Variants in ADAMTS2 observed in about 807,000 individuals in gnomAD.
The protein encoded by ADAMTS2 is A disintegrin and metalloproteinase with thrombospondin motifs 2.
In ADAMTS2, 50 loss-of-function variants were observed where a neutral mutation model predicts 123.0. The ratio of observed to expected loss-of-function variants is 0.41; its 90% CI spans 0.32 to 0.51. The LOEUF (loss-of-function observed/expected upper bound fraction) is 0.51, where lower values mean the gene tolerates loss of function less well. Ranked by LOEUF, ADAMTS2 falls within the 20% of genes least tolerant of loss-of-function variation. The probability of loss-of-function intolerance (pLI) is 0.35; values close to 1 mark genes in which losing one functional copy is unlikely to be tolerated. For synonymous variants in ADAMTS2, 678 were observed against 695.4 expected (o/e 0.98, Z 0.39); for missense variants, 1,494 against 1,705.2 (o/e 0.88, Z 2.18).
chr5:179,320,526 G>C (rs1425432459), intron 2 of ADAMTS2, among the ~76,000 whole-genome samples: 1 of 146,796 alleles, frequency 6.8e-6, no homozygotes, highest in Non-Finnish European at 1.5e-5. Flanking sequence ...CACCATTTTA[G>C]CCAGGATGGT....
rs149364402 is a variant in ADAMTS2 at position 179,279,897 on chromosome 5, T to A, written c.535-6833A>T. 3.8e-3 allele frequency among the ~76,000 whole-genome samples: 573 copies of A among 152,326 alleles called. 17 individuals are homozygous for A. Among genetic ancestry groups the A allele is most frequent in the Admixed American group, 0.031 (476 of 15,310 alleles). ...GACGCCAGCGGGCAGGAGCTGTCCA[T>A]GGGGTTAGGAAACAGCTGTCCTCAC... On this transcript the variant is annotated intron_variant, in intron 2 of 21. Transcript: ENST00000251582.
chr5:179,151,130 C>T (rs1027614015), intron 10 of ADAMTS2: 3 of 384,502 alleles, frequency 7.8e-6, no homozygotes, highest in Non-Finnish European at 1.6e-5. Context: ...CTTCTGACCT[C>T]AGGCGATCCA....
intron 5 of ADAMTS2, among the ~76,000 whole-genome samples, chr5:179,179,753 C>T (rs2113309051): frequency 6.6e-6 from 1 of 152,280 alleles, no homozygotes; most frequent in East Asian, 1.9e-4. Flanking sequence ...AGGGAAGTGG[C>T]CCCAAATCTA....
At chr5:179,235,564 C>T (rs1169214952) in intron 3 of ADAMTS2, among the ~76,000 whole-genome samples, 2 of 152,206 alleles carry the variant, frequency 1.3e-5, no homozygotes, top group Non-Finnish European at 2.9e-5. Flanking sequence ...TTGGTGCTGC[C>T]AGGAACTCTC....
chr5:179,304,317 C>A (rs1756613232), intron 2 of ADAMTS2, among the ~76,000 whole-genome samples: 1 of 152,202 alleles, frequency 6.6e-6, no homozygotes, highest in South Asian at 2.1e-4. Context: ...CTTGGCATAC[C>A]AAGAACCAGG....
rs757998006 is a variant in ADAMTS2, at chr5:179,158,028, G to A, written c.1132+695C>T. ...CTCCCAGGCTGGAGCAAAGTGGTGC[G>A]ATCTCGACTCATTGCAAACTCCGCC... On this transcript the variant is annotated intron_variant, in intron 6 of 21. Coordinates refer to ENST00000251582, the MANE Select transcript of ADAMTS2 (RefSeq NM_014244.5). This position sits in a 1 kb window ranked among gnomAD's most constrained non-coding sequence, Gnocchi z 5.0. Among the ~76,000 whole-genome samples, 6 of 151,810 alleles carry A rather than the reference G, an allele frequency of 4.0e-5. No homozygotes were observed. The East Asian group carries it at 9.8e-4, about 25-fold the overall frequency.
intron 19 of ADAMTS2, 111 bp from the exon 20 acceptor site, chr5:179,122,884 G>T: frequency 6.7e-7 from 1 of 1,492,188 alleles, no homozygotes; most frequent in Non-Finnish European, 9.1e-7. Flanking sequence ...TCAGGAGGAG[G>T]TGTGGGACAG....
Position 179,158,939 on chromosome 5 carries a change from G to T in ADAMTS2, c.976-60C>A. 1.9e-6 allele frequency: 3 copies of T among 1,588,964 alleles called. No individual in the cohort carries two copies. The highest frequency in any genetic ancestry group is 1.8e-5 in the Admixed American group (1 of 56,642). Reference sequence around the variant, plus strand: ...TTGGCGCCTGGTGGCCCAGTGGGGGGCCGAGCAGGCTGTAGTGTTGACAGA... The same window carrying T: ...TTGGCGCCTGGTGGCCCAGTGGGGGTCCGAGCAGGCTGTAGTGTTGACAGA... On this transcript the variant is annotated intron_variant, in intron 5 of 21. Transcript: ENST00000251582. The surrounding 1 kb of genome is among the most constrained non-coding windows in gnomAD (Gnocchi z 5.0).
In ADAMTS2 at chr5:179,168,275, G is replaced by T. The variant is rs947101126; in HGVS notation, c.976-9396C>A. ...CTGCCAAATGTCCCCCGGGTGGGGG[G>T]AGGGGTGGCAAAGTCACTCTTGGTT... On this transcript the variant is annotated intron_variant, in intron 5 of 21. Coordinates refer to ENST00000251582, the MANE Select transcript of ADAMTS2 (RefSeq NM_014244.5). Among the ~76,000 whole-genome samples the T allele has an allele frequency of 7.9e-5, 12 of 152,312 alleles. No individual in the cohort carries two copies. The East Asian group carries it at 1.9e-3, about 25-fold the overall frequency.
chr5:179,237,920 G>A (rs112918448), intron 3 of ADAMTS2, among the ~76,000 whole-genome samples: 4 of 152,312 alleles, frequency 2.6e-5, no homozygotes, highest in South Asian at 2.1e-4. Flanking sequence ...CTCCCGACAC[G>A]CACGCCGCAG....
In ADAMTS2 at chr5:179,137,758, G is replaced by A. The variant is rs1446608267; in HGVS notation, c.1951+11C>T. 1.5e-6 allele frequency: 2 copies of A among 1,355,100 alleles called. No individual in the cohort carries two copies. Among genetic ancestry groups the A allele is most frequent in the Admixed American group, 2.1e-5 (1 of 46,802 alleles). 83.9% of individuals were successfully genotyped at this position (1,355,100 alleles called of 1,614,324 possible). A position where few individuals can be genotyped will look rare whatever the true frequency, so the allele number is the denominator to read the frequency against. On this transcript the variant is annotated intron_variant, in intron 12 of 21. Transcript: ENST00000251582. ...GCTGAGCCCCCACTGATGCCTCCCA[G>A]AAGGGCTCACCATCCCGGTGCTCGT...
intron 4 of ADAMTS2, among the ~76,000 whole-genome samples, chr5:179,187,255 C>A (rs898824311): frequency 6.6e-6 from 1 of 152,168 alleles, no homozygotes; most frequent in African/African-American, 2.4e-5. Context: ...CCCTTCCTAC[C>A]CCAAGGCATG....
At chr5:179,141,859 C>T (rs568911486) in intron 10 of ADAMTS2, among the ~76,000 whole-genome samples, 1 of 152,328 alleles carries the variant, frequency 6.6e-6, no homozygotes, top group East Asian at 1.9e-4. Flanking sequence ...AGGGCACAAG[C>T]TCTGCTCCAG....
intron 3 of ADAMTS2, among the ~76,000 whole-genome samples, chr5:179,265,117 G>A (rs1406761230): frequency 6.6e-6 from 1 of 152,216 alleles, no homozygotes; most frequent in Admixed American, 6.5e-5. Flanking sequence ...TGTGGGAGCA[G>A]CCCTAATGCA....
intron 3 of ADAMTS2, among the ~76,000 whole-genome samples, chr5:179,239,599 C>A (rs1463455651): frequency 1.3e-5 from 2 of 151,960 alleles, no homozygotes; most frequent in African/African-American, 4.8e-5. Context: ...GGTGGAGGGG[C>A]AGTTGGAATA....
At chr5:179,320,713 C>G (rs1486178378) in intron 2 of ADAMTS2, among the ~76,000 whole-genome samples, 2 of 152,192 alleles carry the variant, frequency 1.3e-5, no homozygotes, top group Non-Finnish European at 2.9e-5. Flanking sequence ...ATGACCCAGC[C>G]TAGGCCAGGT....
At position 179,316,528 on chromosome 5, in the gene ADAMTS2, AT is replaced by A. The variant is rs568991479; in HGVS notation, c.534+27238del. Among the ~76,000 whole-genome samples, 217 of 152,302 alleles carry A rather than the reference AT, an allele frequency of 1.4e-3. 2 individuals carry two copies. The highest frequency in any genetic ancestry group is 4.8e-3 in the South Asian group (23 of 4,824). On this transcript the variant is annotated intron_variant, in intron 2 of 21. Transcript: ENST00000251582. ...CACCCTCCCCACTCCCAGGGATGGC[AT>A]TTGAGACCTTCCTGCTGTGTCCCTC...
chr5:179,205,286 C>G (rs1447874067), intron 4 of ADAMTS2, among the ~76,000 whole-genome samples: 1 of 152,214 alleles, frequency 6.6e-6, no homozygotes, highest in African/African-American at 2.4e-5. Flanking sequence ...TCAGAAGTGA[C>G]CCCTCCTGGA....
At chr5:179,286,174 G>A (rs1393118492) in intron 2 of ADAMTS2, among the ~76,000 whole-genome samples, 15 of 142,428 alleles carry the variant, frequency 1.1e-4, no homozygotes, top group Non-Finnish European at 1.9e-4. Context: ...AGATCGCACC[G>A]CTGCACTCCA....
Sources: gnomAD v4.1 joint callset for allele counts (sites outside exome capture counted in the v4.1 genomes callset) on GRCh38, gnomAD v4.1.1 for gene constraint, Gnocchi (gnomAD v3.1) non-coding constraint, MANE v1.5 for transcripts, NCBI Gene and HGNC (gene_info 2026-07-23, HGNC 2026-07-21) for gene names.